The following PDE10A variants were observed in gnomAD, a reference collection of about 807,000 sequenced individuals.
PDE10A encodes cAMP and cAMP-inhibited cGMP 3',5'-cyclic phosphodiesterase 10A.
PDE10A carries 39 observed loss-of-function variants against 97.7 expected under a neutral mutation model. The observed-to-expected ratio is 0.40, with a 90% CI of 0.31 to 0.52. The LOEUF (loss-of-function observed/expected upper bound fraction) is 0.52. Ranked by LOEUF, PDE10A falls within the 20% of genes least tolerant of loss-of-function variation. The pLI, the probability that PDE10A is intolerant of heterozygous loss-of-function variation, is 0.56. For missense variants in PDE10A, 731 were observed against 1,047.8 expected, an observed-to-expected ratio of 0.70 and a Z score of 4.17; for synonymous variants, 371 against 376.8, an observed-to-expected ratio of 0.98 and a Z score of 0.18.
intron 1 of PDE10A, among the ~76,000 whole-genome samples, chr6:165,937,901 T>A (rs1000637507): frequency 2.0e-5 from 3 of 152,168 alleles, no homozygotes; most frequent in African/African-American, 7.2e-5. Flanking sequence ...TGTCAAAGCC[T>A]AAATTCAGGG....
chr6:165,974,283 T>C (rs188619924), intron 1 of PDE10A, among the ~76,000 whole-genome samples: 9 of 152,356 alleles, frequency 5.9e-5, no homozygotes, highest in Admixed American at 5.9e-4. Flanking sequence ...ACTGCAAGAA[T>C]GTGCATGAAA....
At chr6:165,375,055 C>T (rs1562396774) in intron 18 of PDE10A, among the ~76,000 whole-genome samples, 2 of 152,102 alleles carry the variant, frequency 1.3e-5, no homozygotes, top group African/African-American at 4.8e-5. Context: ...GCTGTTCCCC[C>T]ATCTCCCTCC....
chr6:165,432,611 C>A (rs2128238565), intron 7 of PDE10A, among the ~76,000 whole-genome samples: 1 of 152,258 alleles, frequency 6.6e-6, no homozygotes, highest in African/African-American at 2.4e-5. Context: ...ACACTAGAGT[C>A]TTTTATGCAG....
rs1168231237 is a variant in PDE10A, at chr6:165,619,151, CGTGTA to C, written c.865+42791_865+42795del. ...AGTCTAGTGTAGTGTAGTCTAGTGT[CGTGTA>C]GTGTAGTGTAGTGTAGTCTAGTGTA... On this transcript the variant is annotated intron_variant, in intron 1 of 21. Transcript: ENST00000539869. 1.3e-3 allele frequency among the ~76,000 whole-genome samples: 47 copies of C among 35,412 alleles called. 3 individuals are homozygous for C. The highest frequency in any genetic ancestry group is 5.4e-3 in the South Asian group (6 of 1,102). 23.2% of individuals were successfully genotyped at this position (35,412 alleles called of 152,430 possible).
intron 1 of PDE10A, among the ~76,000 whole-genome samples, chr6:165,931,620 C>G (rs1411125708): frequency 6.6e-6 from 1 of 152,228 alleles, no homozygotes; most frequent in Non-Finnish European, 1.5e-5. Context: ...CTATGGGCAG[C>G]ACCAGTTCCT....
chr6:165,333,662 G>A (rs1246615013), intron 21 of PDE10A, among the ~76,000 whole-genome samples: 1 of 152,200 alleles, frequency 6.6e-6, no homozygotes, highest in Non-Finnish European at 1.5e-5. Context: ...AAATTTTCTT[G>A]TTACAGTAAA....
rs6899681 is a variant in PDE10A at position 165,714,636 on chromosome 6, G to A, written c.-614-171068C>T. 5.0e-3 allele frequency among the ~76,000 whole-genome samples: 756 copies of A among 152,356 alleles called. 1 individual carries two copies. Among genetic ancestry groups the A allele is most frequent in the Middle Eastern group, 0.01 (3 of 294 alleles). On this transcript the variant is annotated intron_variant, in intron 1 of 19. Coordinates refer to the PDE10A transcript ENST00000366882. Reference sequence around the variant, plus strand: ...AGCCCATCCACAGGGGTGTCCCAGGGTTAGAGCCTGGAGGGTGCCAAGGAG... The same window carrying A: ...AGCCCATCCACAGGGGTGTCCCAGGATTAGAGCCTGGAGGGTGCCAAGGAG...
rs78059188 is a variant in PDE10A, at chr6:165,921,590, T to C, written c.-615+65939A>G. On this transcript the variant is annotated intron_variant, in intron 1 of 19. Coordinates refer to the PDE10A transcript ENST00000366882. ...ACACAGGCTGGGCCAGCTAAGCTTA[T>C]GAAGAAGGGTAACATTTGGGCACAG... Among the ~76,000 whole-genome samples, 844 of 152,276 alleles carry C rather than the reference T, an allele frequency of 5.5e-3. 5 individuals are homozygous for C. Among genetic ancestry groups the C allele is most frequent in the Middle Eastern group, 0.024 (7 of 294 alleles).
intron 1 of PDE10A, among the ~76,000 whole-genome samples, chr6:165,742,604 G>A (rs1447001432): frequency 6.6e-6 from 1 of 152,152 alleles, no homozygotes; most frequent in Non-Finnish European, 1.5e-5. Context: ...AACCTCATGA[G>A]AAATGGAATC....
chr6:165,459,568 G>C (rs1778192838), intron 3 of PDE10A, among the ~76,000 whole-genome samples: 1 of 126,890 alleles, frequency 7.9e-6, no homozygotes, highest in African/African-American at 3.3e-5. Flanking sequence ...CAGATAGATA[G>C]ATAATGATAG....
chr6:165,794,547 ACACT>A (rs1234139029), intron 1 of PDE10A, among the ~76,000 whole-genome samples: 1 of 151,770 alleles, frequency 6.6e-6, no homozygotes, highest in Non-Finnish European at 1.5e-5. Context: ...CACTCATTAC[ACACT>A]CACAAGGTCA....
chr6:165,622,213 A>G (rs1788172602), intron 1 of PDE10A, among the ~76,000 whole-genome samples: 1 of 152,162 alleles, frequency 6.6e-6, no homozygotes, highest in Non-Finnish European at 1.5e-5. Context: ...CAACCACGTG[A>G]GCCAGTGCCT....
chr6:165,750,549 C>T (rs762096985), intron 1 of PDE10A, among the ~76,000 whole-genome samples: 7 of 152,306 alleles, frequency 4.6e-5, no homozygotes, highest in African/African-American at 1.2e-4. Context: ...TTTCCCCACC[C>T]GGAGAGTAAG....
chr6:165,658,250 G>C (rs1379229946), intron 1 of PDE10A, among the ~76,000 whole-genome samples: 1 of 152,214 alleles, frequency 6.6e-6, no homozygotes, highest in East Asian at 1.9e-4. Flanking sequence ...GAAACAGTAA[G>C]AGTGGTTACT....
At chr6:165,761,169 T>C (rs1442867420) in intron 1 of PDE10A, among the ~76,000 whole-genome samples, 1 of 152,226 alleles carries the variant, frequency 6.6e-6, no homozygotes, top group Non-Finnish European at 1.5e-5. Flanking sequence ...TTCCTTTTCT[T>C]TTCTCCCAAT....
intron 1 of PDE10A, among the ~76,000 whole-genome samples, chr6:165,593,303 G>A (rs972685080): frequency 6.6e-6 from 1 of 152,140 alleles, no homozygotes; most frequent in African/African-American, 2.4e-5. Context: ...CTGTCATGGG[G>A]TGGGGGTTAA....
At chr6:165,860,232 TCA>T (rs1469852106) in intron 1 of PDE10A, among the ~76,000 whole-genome samples, 1 of 152,074 alleles carries the variant, frequency 6.6e-6, no homozygotes, top group African/African-American at 2.4e-5. Context: ...GGTGAGTGGA[TCA>T]CATGAGGTTG....
At chr6:165,761,725 AATTT>A (rs1010976962) in intron 1 of PDE10A, among the ~76,000 whole-genome samples, 1 of 152,060 alleles carries the variant, frequency 6.6e-6, no homozygotes, top group Non-Finnish European at 1.5e-5. Flanking sequence ...TTTAAATGAA[AATTT>A]ATTATATATG....
chr6:165,630,856 A>G (rs1192140001), intron 1 of PDE10A, among the ~76,000 whole-genome samples: 1 of 152,160 alleles, frequency 6.6e-6, no homozygotes, highest in Non-Finnish European at 1.5e-5. Context: ...AAACATAGAG[A>G]ATAAAGGAAA....
Sources: allele counts gnomAD v4.1 joint callset (sites outside exome capture counted in the v4.1 genomes callset), GRCh38; gene constraint gnomAD v4.1.1; transcripts MANE v1.5; gene names NCBI Gene and HGNC (gene_info 2026-07-23, HGNC 2026-07-21).